CCDC141: variants seen among roughly 807,000 people sequenced by gnomAD.
The protein encoded by CCDC141 is coiled-coil domain containing 141.
In CCDC141, 168 loss-of-function variants were observed where a neutral mutation model predicts 181.0. The observed-to-expected ratio is 0.93, with a 90% CI of 0.82 to 1.05. The LOEUF is 1.05. Among genes scored for constraint, CCDC141 ranks in the 50% least tolerant of loss-of-function variants. The pLI, the probability that CCDC141 is intolerant of heterozygous loss-of-function variation, is 0.00. For missense variants in CCDC141, 1,902 were observed against 1,788.5 expected (o/e 1.06, Z -1.14); for synonymous variants, 666 against 642.3 (o/e 1.04, Z -0.56).
intron 6 of CCDC141, among the ~76,000 whole-genome samples, chr2:178,923,549 C>T (rs1688797925): frequency 1.3e-5 from 2 of 152,184 alleles, no homozygotes; most frequent in South Asian, 4.1e-4. Flanking sequence ...TTGCTGCCTG[C>T]CTGCGAAGTG....
chr2:179,049,135 C>T (rs1303054481), intron 1 of CCDC141, among the ~76,000 whole-genome samples: 1 of 152,130 alleles, frequency 6.6e-6, no homozygotes, highest in East Asian at 1.9e-4. Context: ...TCTTCTTCAG[C>T]CTAAAGATGT....
chr2:178,942,922 T>C (rs1223845717), intron 6 of CCDC141, among the ~76,000 whole-genome samples: 1 of 152,180 alleles, frequency 6.6e-6, no homozygotes, highest in Non-Finnish European at 1.5e-5. Context: ...TTTATGGACA[T>C]CAGAGGTTGA....
rs1690771218 is a variant in CCDC141 at position 178,969,194 on chromosome 2, T to A, written c.526+5863A>T. ...AGGTACAAAGAGGAGCTGGTACCAT[T>A]CCTTCTGAAACTATTCCAAACAATA... On this transcript the variant is annotated intron_variant, in intron 4 of 23. Transcript: ENST00000443758. 8.0e-5 allele frequency among the ~76,000 whole-genome samples: 12 copies of A among 150,460 alleles called. No individual in the cohort carries two copies. In the South Asian group the frequency reaches 2.5e-3, roughly 32 times the overall value.
At chr2:178,975,366 T>G (rs1418402659) in intron 3 of CCDC141, among the ~76,000 whole-genome samples, 1 of 152,116 alleles carries the variant, frequency 6.6e-6, no homozygotes, top group Non-Finnish European at 1.5e-5. Context: ...TGTGGTCAAT[T>G]TACAAAGTGT....
At chr2:178,849,283 C>T (rs1239256797) in intron 21 of CCDC141, among the ~76,000 whole-genome samples, 1 of 152,168 alleles carries the variant, frequency 6.6e-6, no homozygotes, top group Non-Finnish European at 1.5e-5. Context: ...CTGGGATCCA[C>T]TTTGTAGATC....
chr2:178,871,873 G>C (rs889330972), intron 13 of CCDC141, among the ~76,000 whole-genome samples: 2 of 152,096 alleles, frequency 1.3e-5, no homozygotes, highest in Non-Finnish European at 2.9e-5. Flanking sequence ...TCCAGAACTT[G>C]TTTATCATCC....
intron 2 of CCDC141, among the ~76,000 whole-genome samples, chr2:178,982,393 C>G (rs1691458416): frequency 6.6e-6 from 1 of 152,108 alleles, no homozygotes; most frequent in Non-Finnish European, 1.5e-5. Flanking sequence ...TACATTTAAC[C>G]AAGGAGGTGA....
At chr2:178,960,900 G>A (rs960995817) in intron 5 of CCDC141, among the ~76,000 whole-genome samples, 2 of 152,156 alleles carry the variant, frequency 1.3e-5, no homozygotes, top group African/African-American at 4.8e-5. Flanking sequence ...TAAGAAAATT[G>A]CAATTAACAT....
chr2:179,006,831 A>C (rs1399779221), intron 2 of CCDC141, among the ~76,000 whole-genome samples: 2 of 152,166 alleles, frequency 1.3e-5, no homozygotes, highest in Non-Finnish European at 1.5e-5. Flanking sequence ...AAACATATTA[A>C]ACTCTAATAG....
At chr2:178,953,148 C>T (rs1690023971) in intron 5 of CCDC141, among the ~76,000 whole-genome samples, 1 of 152,138 alleles carries the variant, frequency 6.6e-6, no homozygotes, top group African/African-American at 2.4e-5. Flanking sequence ...AAAACATGTT[C>T]ACATTCGGCT....
At chr2:179,015,083 T>TACATATACATATATATTATATATATAATC in intron 2 of CCDC141, among the ~76,000 whole-genome samples, 1 of 39,068 alleles carries the variant, frequency 2.6e-5, no homozygotes, top group Admixed American at 2.1e-4. Context: ...TATATATATA[T>TACATATACATATATATTATATATATAATC]ATATATATAT....
At chr2:179,015,264 C>CTCATATATATCTCATATATATCAT (rs1553502873) in intron 2 of CCDC141, among the ~76,000 whole-genome samples, 1 of 130,062 alleles carries the variant, frequency 7.7e-6, no homozygotes, top group African/African-American at 2.9e-5. Context: ...TCATATATAT[C>CTCATATATATCTCATATATATCAT]ATATATATCT....
chr2:178,881,463 T>C (rs989719326), intron 11 of CCDC141, among the ~76,000 whole-genome samples: 1 of 151,738 alleles, frequency 6.6e-6, no homozygotes, highest in Non-Finnish European at 1.5e-5. Context: ...GAGGTGAGAG[T>C]GGGTAACTGG....
At chr2:179,015,315 CTCATA>C (rs925839304) in intron 2 of CCDC141, among the ~76,000 whole-genome samples, 1 of 140,810 alleles carries the variant, frequency 7.1e-6, no homozygotes, top group Non-Finnish European at 1.5e-5. Flanking sequence ...TCATACATAT[CTCATA>C]TATGTATCAT....
At chr2:178,855,678 A>T in intron 18 of CCDC141, 137 bp from the exon 19 acceptor site, 1 of 548,508 alleles carries the variant, frequency 1.8e-6, no homozygotes. Flanking sequence ...TTACAAATAT[A>T]TTATGGTAAG....
At chr2:179,043,778 C>T (rs2043391242) in intron 2 of CCDC141, among the ~76,000 whole-genome samples, 1 of 152,090 alleles carries the variant, frequency 6.6e-6, no homozygotes, top group South Asian at 2.1e-4. Context: ...GACAAGGATG[C>T]CTATTCAACA....
chr2:178,856,703 C>T (rs1685404709), intron 17 of CCDC141, among the ~76,000 whole-genome samples: 1 of 152,096 alleles, frequency 6.6e-6, no homozygotes, highest in African/African-American at 2.4e-5. Flanking sequence ...ATTCTCATGT[C>T]TCTCCTAAGT....
rs545573320 is a variant in CCDC141 at position 178,842,606 on chromosome 2, C to T, written c.3474+3020G>A. Among the ~76,000 whole-genome samples the T allele has an allele frequency of 4.6e-5, 7 of 152,290 alleles. No individual in the cohort carries two copies. In the East Asian group the frequency reaches 1.4e-3, roughly 29 times the overall value. On this transcript the variant is annotated intron_variant, in intron 22 of 23. Coordinates refer to ENST00000443758, the MANE Select transcript of CCDC141 (RefSeq NM_173648.4). ...GAACCAATCCTCAAAGTCCATAGAG[C>T]AGGGAACTACATATGTGGTAAATTT...
Position 178,904,941 on chromosome 2 carries a change from C to T in CCDC141, c.1265+388G>A, listed in dbSNP as rs141623853. ...GAAATTCTGGTATTTTATTTTCTTC[C>T]AGTAAGAAAAAGACAGGACAGGATA... On this transcript the variant is annotated intron_variant, in intron 8 of 23. Coordinates refer to ENST00000443758, the MANE Select transcript of CCDC141 (RefSeq NM_173648.4). Among the ~76,000 whole-genome samples the T allele has an allele frequency of 8.5e-5, 13 of 152,190 alleles. 1 individual carries two copies. Among genetic ancestry groups the T allele is most frequent in the African/African-American group, 2.9e-4 (12 of 41,504 alleles).
Sources: allele counts gnomAD v4.1 joint callset (sites outside exome capture counted in the v4.1 genomes callset), GRCh38; gene constraint gnomAD v4.1.1; transcripts MANE v1.5; gene names NCBI Gene and HGNC (gene_info 2026-07-23, HGNC 2026-07-21).